EXOC6B: variants seen among roughly 807,000 people sequenced by gnomAD.
EXOC6B encodes SEC15 homolog B.
A neutral mutation model predicts 113.5 loss-of-function variants in EXOC6B; 54 were observed. The observed-to-expected ratio is 0.48, with a 90% CI of 0.38 to 0.60. EXOC6B has a LOEUF of 0.60. Among genes scored for constraint, EXOC6B ranks in the 20% least tolerant of loss-of-function variants. The pLI, the probability that EXOC6B is intolerant of heterozygous loss-of-function variation, is 0.00. For missense variants in EXOC6B, 797 were observed against 977.5 expected (o/e 0.82, Z 2.46); for synonymous variants, 357 against 339.0 (o/e 1.05, Z -0.58).
At chr2:72,215,478 C>T (rs1559024688) in intron 20 of EXOC6B, among the ~76,000 whole-genome samples, 1 of 152,106 alleles carries the variant, frequency 6.6e-6, no homozygotes, top group African/African-American at 2.4e-5. Flanking sequence ...TGATCACCAC[C>T]CTCAAATGAC....
At chr2:72,411,900 T>A (rs1694209785) in intron 18 of EXOC6B, among the ~76,000 whole-genome samples, 1 of 152,016 alleles carries the variant, frequency 6.6e-6, no homozygotes, top group Non-Finnish European at 1.5e-5. Context: ...AACAAAAACC[T>A]GAGATGAAGG....
chr2:72,773,120 C>CTTTTTTTTTTTTTTTTTTTT (rs1254377634), intron 1 of EXOC6B, among the ~76,000 whole-genome samples: 5 of 94,892 alleles, frequency 5.3e-5, no homozygotes, highest in African/African-American at 2.3e-4. Context: ...CTTAGATTTT[C>CTTTTTTTTTTTTTTTTTTTT]TTTTTTTTTT....
At chr2:72,409,090 T>G (rs1035790075) in intron 18 of EXOC6B, among the ~76,000 whole-genome samples, 3 of 152,152 alleles carry the variant, frequency 2.0e-5, no homozygotes, top group East Asian at 1.9e-4. Context: ...AGAAGACATT[T>G]ATGCAGCCAA....
At chr2:72,296,018 AG>A (rs1686114005) in intron 20 of EXOC6B, among the ~76,000 whole-genome samples, 1 of 152,142 alleles carries the variant, frequency 6.6e-6, no homozygotes, top group East Asian at 1.9e-4. Context: ...GAAGAATTCA[AG>A]GACTAGAGTG....
intron 18 of EXOC6B, among the ~76,000 whole-genome samples, chr2:72,445,980 G>A (rs930156146): frequency 6.6e-6 from 1 of 152,158 alleles, no homozygotes; most frequent in African/African-American, 2.4e-5. Flanking sequence ...TTATTAAAAA[G>A]TAAACAAAAA....
intron 20 of EXOC6B, among the ~76,000 whole-genome samples, chr2:72,225,321 G>C (rs933867579): frequency 3.3e-5 from 5 of 151,996 alleles, no homozygotes; most frequent in Non-Finnish European, 7.4e-5. Flanking sequence ...AAACAACAAT[G>C]ACAAATTAAT....
intron 13 of EXOC6B, among the ~76,000 whole-genome samples, chr2:72,496,951 T>TATG (rs1700068021): frequency 3.2e-5 from 1 of 31,742 alleles, no homozygotes; most frequent in East Asian, 6.7e-4. Context: ...AAATGTACAT[T>TATG]ATTATTATTA....
At chr2:72,201,878 T>C (rs1193226994) in intron 20 of EXOC6B, among the ~76,000 whole-genome samples, 1 of 152,194 alleles carries the variant, frequency 6.6e-6, no homozygotes, top group Non-Finnish European at 1.5e-5. Flanking sequence ...AATAAATTAC[T>C]GAATTTATTG....
intron 8 of EXOC6B, among the ~76,000 whole-genome samples, chr2:72,557,022 T>C (rs1703583746): frequency 6.6e-6 from 1 of 151,584 alleles, no homozygotes; most frequent in Non-Finnish European, 1.5e-5. Context: ...CTTTATAGAA[T>C]AAAAATCTAA....
chr2:72,744,379 A>G (rs974334198), intron 1 of EXOC6B, among the ~76,000 whole-genome samples: 20 of 152,242 alleles, frequency 1.3e-4, no homozygotes, highest in African/African-American at 4.8e-4. Flanking sequence ...CAAATAAATT[A>G]TAAACAATCT....
chr2:72,455,626 A>C (rs1387199273), intron 18 of EXOC6B, among the ~76,000 whole-genome samples: 2 of 152,170 alleles, frequency 1.3e-5, no homozygotes, highest in African/African-American at 4.8e-5. Flanking sequence ...AAACCTCTCT[A>C]TGTTTACTAA....
intron 20 of EXOC6B, among the ~76,000 whole-genome samples, chr2:72,334,373 G>T (rs1688572468): frequency 6.6e-6 from 1 of 152,050 alleles, no homozygotes; most frequent in Admixed American, 6.6e-5. Context: ...CTTTAATAGG[G>T]TTAGCATCAC....
chr2:72,327,167 C>T (rs1283419400), intron 20 of EXOC6B, among the ~76,000 whole-genome samples: 1 of 151,964 alleles, frequency 6.6e-6, no homozygotes, highest in Non-Finnish European at 1.5e-5. Flanking sequence ...AGGGAACAAC[C>T]CTCAAAGAGG....
intron 6 of EXOC6B, among the ~76,000 whole-genome samples, chr2:72,704,404 C>T (rs1321855941): frequency 2.0e-5 from 3 of 148,906 alleles, no homozygotes; most frequent in Non-Finnish European, 3.0e-5. Context: ...ACCCTAACAT[C>T]ACAATTAAAA....
rs56113927 is a variant in EXOC6B at position 72,583,732 on chromosome 2, G to GTT, written c.670-8066_670-8065dup. ...TCTGGTTTTTTTTGTTTTTGTTTTTGTTTTTTTTGATGGAGTCTTACTCTG... is the reference window on the plus strand; with the variant it reads ...TCTGGTTTTTTTTGTTTTTGTTTTTGTTTTTTTTTTGATGGAGTCTTACTCTG... On this transcript the variant is annotated intron_variant, in intron 6 of 21. Coordinates refer to ENST00000272427, the MANE Select transcript of EXOC6B (RefSeq NM_015189.3). Among the ~76,000 whole-genome samples, 92 of 151,372 alleles carry GTT rather than the reference G, an allele frequency of 6.1e-4. 2 individuals are homozygous for GTT. The highest frequency in any genetic ancestry group is 3.4e-3 in the Middle Eastern group (1 of 290).
At position 72,496,356 on chromosome 2, in the gene EXOC6B, T is replaced by C. The variant is rs116617486; in HGVS notation, c.1443+98A>G. 2.2e-3 allele frequency: 1,497 copies of C among 692,438 alleles called. 21 individuals are homozygous for C. Among genetic ancestry groups the C allele is most frequent in the African/African-American group, 0.017 (934 of 55,268 alleles). 42.9% of individuals were successfully genotyped at this position (692,438 alleles called of 1,614,324 possible). On this transcript the variant is annotated intron_variant, in intron 14 of 21. Transcript: ENST00000272427. ...GAAATTGTTTTAGAGTTCTAACCCA[T>C]TGAGTTAAAGGTAATGCTTTCAATC...
In EXOC6B at chr2:72,397,617, C is replaced by CA. The variant is rs1229846045; in HGVS notation, c.1981-17748dup. ...CCTGGTGACAGGTGAAACCTCATCT[C>CA]AAAAAAAAAAAATAAAATAAAATAA... is the stretch of plus-strand genomic sequence containing the variant. On this transcript the variant is annotated intron_variant, in intron 18 of 21. Transcript: ENST00000272427. Among the ~76,000 whole-genome samples the CA allele has an allele frequency of 5.5e-3, 515 of 93,360 alleles. 14 individuals are homozygous for CA. Among genetic ancestry groups the CA allele is most frequent in the African/African-American group, 0.022 (326 of 14,834 alleles). 61.2% of individuals were successfully genotyped at this position (93,360 alleles called of 152,430 possible).
intron 20 of EXOC6B, among the ~76,000 whole-genome samples, chr2:72,270,029 G>T (rs930728054): frequency 1.3e-5 from 2 of 152,094 alleles, no homozygotes; most frequent in Admixed American, 1.3e-4. Context: ...GGGACAGAAA[G>T]CCTCCCAGAT....
At chr2:72,548,178 A>C (rs570522604) in intron 8 of EXOC6B, among the ~76,000 whole-genome samples, 2 of 152,134 alleles carry the variant, frequency 1.3e-5, no homozygotes, top group South Asian at 2.1e-4. Flanking sequence ...GAAAAGTCTC[A>C]CTGCCTGTTT....
Sources: allele counts gnomAD v4.1 joint callset (sites outside exome capture counted in the v4.1 genomes callset), GRCh38; gene constraint gnomAD v4.1.1; transcripts MANE v1.5; gene names NCBI Gene and HGNC (gene_info 2026-07-23, HGNC 2026-07-21).